Variants in PTPRB observed in about 807,000 individuals in gnomAD.
PTPRB encodes the protein receptor-type tyrosine-protein phosphatase beta.
PTPRB carries 97 observed loss-of-function variants against 238.1 expected under a neutral mutation model. The ratio of observed to expected loss-of-function variants is 0.41; its 90% CI spans 0.35 to 0.48. The LOEUF is 0.48. Ranked by LOEUF, PTPRB falls within the 20% of genes least tolerant of loss-of-function variation. The pLI, the probability that PTPRB is intolerant of heterozygous loss-of-function variation, is 0.30. For synonymous variants in PTPRB, 970 were observed against 995.4 expected, an observed-to-expected ratio of 0.97 and a Z score of 0.48; for missense variants, 2,292 against 2,681.9, an observed-to-expected ratio of 0.85 and a Z score of 3.21.
At chr12:70,612,278 C>A (rs542744467) in intron 3 of PTPRB, among the ~76,000 whole-genome samples, 4 of 152,278 alleles carry the variant, frequency 2.6e-5, no homozygotes, top group East Asian at 1.9e-4. Flanking sequence ...TTACCGATAA[C>A]ATTTTTCCTT....
chr12:70,524,344 G>T, intron 33 of PTPRB, 127 bp downstream of exon 33: 2 of 1,054,230 alleles, frequency 1.9e-6, no homozygotes, highest in Non-Finnish European at 2.6e-6. Flanking sequence ...CAAACTCTTA[G>T]GCTCAAGTGA....
intron 4 of PTPRB, among the ~76,000 whole-genome samples, chr12:70,600,962 G>A (rs1883426307): frequency 6.6e-6 from 1 of 152,104 alleles, no homozygotes; most frequent in Non-Finnish European, 1.5e-5. Flanking sequence ...CCGCCTCCTG[G>A]GTTCAAGCGA....
intron 3 of PTPRB, among the ~76,000 whole-genome samples, chr12:70,615,865 T>C (rs1884657042): frequency 6.6e-6 from 1 of 152,188 alleles, no homozygotes; most frequent in Non-Finnish European, 1.5e-5. Context: ...TCAAAAACAG[T>C]CACCCACAGA....
Position 70,622,440 on chromosome 12 carries a change from T to C in PTPRB, c.658A>G (p.Thr220Ala), listed in dbSNP as rs369164812. 6 of 1,612,958 alleles carry C rather than the reference T, an allele frequency of 3.7e-6. No homozygotes were observed. The highest frequency in any genetic ancestry group is 2.2e-5 in the East Asian group (1 of 44,880). Residue 220 changes from threonine to alanine, a missense_variant, in exon 3 of 34, where the codon ACA becomes GCA. Transcript: ENST00000334414. ...PNLHMTGITD[T>A]SWVLSTTQPF... Reference sequence around the variant, plus strand: ...TGAGTAGTCGACAAAACCCATGATGTGTCTGTAATTCCAGTCATGTGCAGA... The same window carrying C: ...TGAGTAGTCGACAAAACCCATGATGCGTCTGTAATTCCAGTCATGTGCAGA...
intron 33 of PTPRB, 115 bp downstream of exon 33, chr12:70,524,356 C>G (rs1226952647): frequency 8.6e-7 from 1 of 1,159,512 alleles, no homozygotes; most frequent in East Asian, 2.8e-5. Flanking sequence ...CTCAAGTGAT[C>G]CTCCTGCCTC....
intron 4 of PTPRB, 30 bp downstream of exon 4, chr12:70,609,039 G>C (rs1291290447): frequency 6.2e-7 from 1 of 1,609,950 alleles, no homozygotes; most frequent in Middle Eastern, 1.7e-4. Context: ...CGTGTGGCTT[G>C]GCCATCCAAT....
rs1871526497 is a variant in PTPRB, at chr12:70,520,278, C to T, written c.*1211G>A. ...TTTGTTATAGTCAAAGTAAGTAAGG[C>T]ACAAATATTGAAGATAAACTTGGTA... is the stretch of plus-strand genomic sequence containing the variant. On this transcript the variant is annotated 3_prime_UTR_variant, in exon 34 of 34. Transcript: ENST00000334414. The T allele has an allele frequency of 2.3e-6, 1 of 439,622 alleles. No individual in the cohort carries two copies. The highest frequency in any genetic ancestry group is 4.5e-6 in the Non-Finnish European group (1 of 223,100). 27.2% of individuals were successfully genotyped at this position (439,622 alleles called of 1,614,324 possible). A position where few individuals can be genotyped will look rare whatever the true frequency, so the allele number is the denominator to read the frequency against.
chr12:70,538,288 T>A (rs1256581171), intron 27 of PTPRB, 57 bp from the exon 28 acceptor site: 2 of 1,414,612 alleles, frequency 1.4e-6, no homozygotes, highest in Non-Finnish European at 2.0e-6. Context: ...GTTTATGTGA[T>A]GTGTGTGATG....
chr12:70,630,362 C>A (rs150035655), intron 2 of PTPRB, among the ~76,000 whole-genome samples: 5,210 of 152,128 alleles, frequency 0.034, 108 homozygotes, highest in Non-Finnish European at 0.046. Context: ...TTGACAAAAT[C>A]CAACAGCCCT....
intron 9 of PTPRB, among the ~76,000 whole-genome samples, chr12:70,584,129 T>G (rs1473987486): frequency 1.3e-5 from 2 of 152,006 alleles, no homozygotes; most frequent in Non-Finnish European, 2.9e-5. Context: ...AACATAACAA[T>G]TAAAATTTAA....
chr12:70,605,446 C>T (rs78887475), intron 4 of PTPRB, among the ~76,000 whole-genome samples: 2,831 of 152,250 alleles, frequency 0.019, 83 homozygotes, highest in African/African-American at 0.063. Context: ...TCAGTATTTA[C>T]GGAACACCTA....
At chr12:70,604,724 A>T (rs528766506) in intron 4 of PTPRB, among the ~76,000 whole-genome samples, 14 of 152,222 alleles carry the variant, frequency 9.2e-5, no homozygotes, top group Non-Finnish European at 1.6e-4. Flanking sequence ...TTAAGTTAAA[A>T]TGGGGCCATT....
At position 70,590,074 on chromosome 12, in the gene PTPRB, G is replaced by C; in HGVS notation, c.1940C>G (p.Thr647Arg). 1 of 1,613,912 alleles carries C rather than the reference G, an allele frequency of 6.2e-7. No homozygotes were observed. Among genetic ancestry groups the C allele is most frequent in the Admixed American group, 1.7e-5 (1 of 60,004 alleles). ...LLNITVGKEE[T>R]QYVMDDTGLV... ...CCCCGTGTCATCCATGACATACTGTGTTTCTTCCTTTCCCACAGTGATGTT... is the reference window on the plus strand; with the variant it reads ...CCCCGTGTCATCCATGACATACTGTCTTTCTTCCTTTCCCACAGTGATGTT... Residue 647 changes from threonine (T) to arginine (R), a missense_variant, in exon 8 of 34, where the codon ACA becomes AGA. This residue lies in a region of PTPRB where 1,205 missense variants were observed against 1,287.8 expected (regional missense o/e 0.94). Coordinates refer to ENST00000334414, the MANE Select transcript of PTPRB (RefSeq NM_001109754.4).
At chr12:70,540,439 CTTAAA>C (rs777574035) in intron 23 of PTPRB, 27 of 197,274 alleles carry the variant, frequency 1.4e-4, no homozygotes, top group Admixed American at 4.9e-4. Context: ...TTGGTCCCTT[CTTAAA>C]TTAGGATGGC....
At chr12:70,610,192 C>G (rs898241170) in intron 3 of PTPRB, among the ~76,000 whole-genome samples, 2 of 152,192 alleles carry the variant, frequency 1.3e-5, no homozygotes, top group African/African-American at 4.8e-5. Context: ...AACGCCTGAG[C>G]CTGCCAAGGG....
At chr12:70,538,360 G>T in intron 27 of PTPRB, 129 bp from the exon 28 acceptor site, 1 of 739,300 alleles carries the variant, frequency 1.4e-6, no homozygotes, top group South Asian at 2.0e-5. Context: ...CCATTTTGCA[G>T]ATGAGGCTCA....
intron 3 of PTPRB, chr12:70,609,863 G>A (rs1566011022): frequency 2.6e-6 from 4 of 1,540,434 alleles, no homozygotes; most frequent in Non-Finnish European, 3.5e-6. Context: ...CTGGACGTGG[G>A]ACGGCCCGAG....
At chr12:70,544,832 C>CATAA (rs1435001014) in intron 21 of PTPRB, among the ~76,000 whole-genome samples, 169 bp from the exon 22 acceptor site, 4 of 152,096 alleles carry the variant, frequency 2.6e-5, no homozygotes, top group African/African-American at 9.7e-5. Context: ...TCAATTTATT[C>CATAA]ATAAATATTT....
intron 2 of PTPRB, among the ~76,000 whole-genome samples, chr12:70,630,547 T>C (rs1592611196): frequency 1.3e-5 from 2 of 152,248 alleles, no homozygotes; most frequent in African/African-American, 4.8e-5. Flanking sequence ...CTATTCGACA[T>C]AGTGTTGGGA....
Sources: allele counts gnomAD v4.1 joint callset (sites outside exome capture counted in the v4.1 genomes callset), GRCh38; gene constraint gnomAD v4.1.1; regional missense constraint gnomAD v4.1.1; transcripts MANE v1.5; gene names NCBI Gene and HGNC (gene_info 2026-07-23, HGNC 2026-07-21).